ANO1: variants seen among roughly 807,000 people sequenced by gnomAD.
The protein encoded by ANO1 is anoctamin-1.
Under a neutral mutation model 124.0 loss-of-function variants are expected in ANO1, and 59 were observed. The ratio of observed to expected loss-of-function variants is 0.48; its 90% CI spans 0.39 to 0.59. The LOEUF (loss-of-function observed/expected upper bound fraction) is 0.59, where lower values mean the gene tolerates loss of function less well. Among genes scored for constraint, ANO1 ranks in the 20% least tolerant of loss-of-function variants. ANO1 has a pLI of 0.00. For synonymous variants in ANO1, 529 were observed against 532.0 expected (o/e 0.99, Z 0.08); for missense variants, 1,059 against 1,328.0 (o/e 0.80, Z 3.15).
intron 11 of ANO1, among the ~76,000 whole-genome samples, chr11:70,136,100 T>G (rs967673915): frequency 2.0e-5 from 3 of 152,188 alleles, no homozygotes; most frequent in Non-Finnish European, 4.4e-5. Flanking sequence ...ACACCCTGGT[T>G]GTTTGGGGAG....
chr11:70,088,523 A>AGAAG (rs1555014761), intron 2 of ANO1, among the ~76,000 whole-genome samples: 4 of 20,216 alleles, frequency 2.0e-4, no homozygotes, highest in African/African-American at 7.6e-4. Context: ...AAAAAAAAAA[A>AGAAG]AAAAAGAAGA....
intron 1 of ANO1, chr11:70,065,263 G>A (rs1456162026): frequency 6.6e-6 from 1 of 152,326 alleles, no homozygotes; most frequent in Non-Finnish European, 1.5e-5. Flanking sequence ...GCTGCCTCTG[G>A]AGGTGGCGAG....
At chr11:70,081,285 G>A (rs1333612178) in intron 1 of ANO1, among the ~76,000 whole-genome samples, 2 of 152,146 alleles carry the variant, frequency 1.3e-5, no homozygotes, top group African/African-American at 2.4e-5. Flanking sequence ...CTTGAAACTG[G>A]TGGTTGTCCA....
At position 69,999,273 on chromosome 11, in the gene ANO1, C is replaced by T. The variant is rs1317230601; in HGVS notation, c.58+13107C>T. 1.3e-5 allele frequency among the ~76,000 whole-genome samples: 2 copies of T among 152,068 alleles called. 1 individual carries two copies. The highest frequency in any genetic ancestry group is 6.8e-3 in the Middle Eastern group (2 of 294). ...AGCAAGAGAGACAGCATGGAGGTGC[C>T]ACACACTTTTAAATAACTGAATCTC... On this transcript the variant is annotated intron_variant, in intron 1 of 27. Transcript: ENST00000531349.
rs2049250702 is a variant in ANO1 at position 70,188,866 on chromosome 11, G to C, written c.*862G>C. 1 of 114,646 alleles carries C rather than the reference G, an allele frequency of 8.7e-6. No homozygotes were observed. The highest frequency in any genetic ancestry group is 3.3e-5 in the African/African-American group (1 of 30,118). 7.1% of individuals were successfully genotyped at this position (114,646 alleles called of 1,614,324 possible). A position where few individuals can be genotyped will look rare whatever the true frequency, so the allele number is the denominator to read the frequency against. ...TCTTAGGGCTTCCAGGGGTCCCCTGGAAGCTTTAGAATATTTATGGGTTTT... is the reference window on the plus strand; with the variant it reads ...TCTTAGGGCTTCCAGGGGTCCCCTGCAAGCTTTAGAATATTTATGGGTTTT... On this transcript the variant is annotated 3_prime_UTR_variant, in exon 26 of 26. Transcript: ENST00000355303.
At chr11:70,177,870 A>T (rs922846642) in intron 22 of ANO1, among the ~76,000 whole-genome samples, 2 of 152,160 alleles carry the variant, frequency 1.3e-5, no homozygotes, top group African/African-American at 4.8e-5. Context: ...AAGTGCTAGG[A>T]TTACAGGCGT....
intron 1 of ANO1, among the ~76,000 whole-genome samples, chr11:70,006,787 G>A (rs1356403286): frequency 4.2e-5 from 6 of 143,696 alleles, no homozygotes; most frequent in East Asian, 2.1e-4. Context: ...CTCCTGCCTC[G>A]ACCTCCCAAG....
intron 5 of ANO1, among the ~76,000 whole-genome samples, chr11:70,107,413 G>T (rs1353341212): frequency 6.6e-6 from 1 of 151,528 alleles, no homozygotes; most frequent in Non-Finnish European, 1.5e-5. Flanking sequence ...GAGGCCCTGT[G>T]GCTGCAGGAG....
chr11:70,040,221 C>T (rs1367065263), intron 1 of ANO1, among the ~76,000 whole-genome samples: 1 of 152,008 alleles, frequency 6.6e-6, no homozygotes, highest in Non-Finnish European at 1.5e-5. Flanking sequence ...TTTGTGTGAG[C>T]TAATCATAAG....
the ANO1 span, among the ~76,000 whole-genome samples, chr11:69,979,602 C>T: frequency 6.6e-6 from 1 of 152,190 alleles, no homozygotes; most frequent in Non-Finnish European, 1.5e-5. Context: ...CTCCTCCCTA[C>T]ATCTTAAAAG....
At chr11:70,174,384 A>C (rs958907491) in intron 22 of ANO1, among the ~76,000 whole-genome samples, 1 of 151,904 alleles carries the variant, frequency 6.6e-6, no homozygotes, top group Non-Finnish European at 1.5e-5. Flanking sequence ...CAACACAGCG[A>C]GACTCCACCT....
At chr11:70,025,191 C>T (rs1475043591) in intron 1 of ANO1, among the ~76,000 whole-genome samples, 3 of 152,220 alleles carry the variant, frequency 2.0e-5, no homozygotes, top group Non-Finnish European at 4.4e-5. Flanking sequence ...GGGCAAGTTA[C>T]TTCACCTCTC....
chr11:70,063,444 A>G (rs558528263), intron 1 of ANO1, among the ~76,000 whole-genome samples: 3 of 152,254 alleles, frequency 2.0e-5, no homozygotes, highest in South Asian at 4.2e-4. Context: ...TTTCTTAAAG[A>G]TAAGATTAAA....
chr11:70,180,622 A>G (rs989262474), intron 23 of ANO1, among the ~76,000 whole-genome samples: 14 of 152,194 alleles, frequency 9.2e-5, no homozygotes, highest in African/African-American at 3.4e-4. Flanking sequence ...CTTCGCCCCT[A>G]AGTCCACTGA....
chr11:70,074,853 T>A (rs1456793753), upstream of ANO1: 1 of 152,166 alleles, frequency 6.6e-6, no homozygotes, highest in African/African-American at 2.4e-5. Flanking sequence ...GCCCCACACA[T>A]CCACTGTGCT....
intron 23 of ANO1, among the ~76,000 whole-genome samples, chr11:70,181,997 C>T (rs1219098429): frequency 6.6e-6 from 1 of 151,844 alleles, no homozygotes; most frequent in Admixed American, 6.6e-5. Flanking sequence ...GCCGTTGGGC[C>T]TTGGTTTCCT....
At chr11:70,009,153 GAATTTATGCC>G (rs1263945708) in intron 1 of ANO1, among the ~76,000 whole-genome samples, 3 of 152,220 alleles carry the variant, frequency 2.0e-5, no homozygotes, top group African/African-American at 7.2e-5. Flanking sequence ...ACACCCAGCA[GAATTTATGCC>G]AATTTGGAAA....
At chr11:70,091,518 G>T (rs1469144223) in intron 2 of ANO1, among the ~76,000 whole-genome samples, 1 of 152,176 alleles carries the variant, frequency 6.6e-6, no homozygotes, top group Non-Finnish European at 1.5e-5. Flanking sequence ...CAGTGTACGT[G>T]GGGGGCAAAA....
At chr11:70,115,476 G>A (rs963042750) in intron 7 of ANO1, among the ~76,000 whole-genome samples, 3 of 152,136 alleles carry the variant, frequency 2.0e-5, no homozygotes, top group Non-Finnish European at 2.9e-5. Context: ...AGCCGGGTGT[G>A]GTGGTGGGCA....
Sources: gnomAD v4.1 joint callset for allele counts (sites outside exome capture counted in the v4.1 genomes callset) on GRCh38, gnomAD v4.1.1 for gene constraint, MANE v1.5 for transcripts, NCBI Gene and HGNC (gene_info 2026-07-23, HGNC 2026-07-21) for gene names.